Variants in CYFIP1 observed in about 807,000 individuals in gnomAD.
CYFIP1 encodes cytoplasmic FMR1 interacting protein 1.
CYFIP1 carries 58 observed loss-of-function variants against 163.5 expected under a neutral mutation model. That is an observed-to-expected ratio of 0.35 (90% confidence interval 0.29 to 0.44). The LOEUF (loss-of-function observed/expected upper bound fraction) is 0.44. CYFIP1 is among the 20% of genes least tolerant of loss of function. The pLI, the probability that CYFIP1 is intolerant of heterozygous loss-of-function variation, is 1.00. For missense variants in CYFIP1, 1,338 were observed against 1,653.8 expected (o/e 0.81, Z 3.31); for synonymous variants, 663 against 660.7 (o/e 1.00, Z -0.05).
intron 29 of CYFIP1, 68 bp downstream of exon 29, chr15:22,873,421 AAC>A: frequency 7.5e-7 from 1 of 1,331,920 alleles, no homozygotes; most frequent in Non-Finnish European, 1.1e-6. Context: ...TTGTTAGCCT[AAC>A]ACGCCTCCCC....
intron 22 of CYFIP1, among the ~76,000 whole-genome samples, chr15:22,899,975 T>C (rs2060343176): frequency 6.6e-6 from 1 of 152,034 alleles, no homozygotes; most frequent in Non-Finnish European, 1.5e-5. Flanking sequence ...TTGAACCTAC[T>C]GGAGGTTGCA....
chr15:22,948,930 A>T (rs2094060058), intron 1 of CYFIP1, among the ~76,000 whole-genome samples: 1 of 152,096 alleles, frequency 6.6e-6, no homozygotes, highest in African/African-American at 2.4e-5. Flanking sequence ...CTTCAGGACA[A>T]GAGAGAAGGT....
intron 26 of CYFIP1, among the ~76,000 whole-genome samples, chr15:22,879,285 C>T (rs534344770): frequency 6.6e-6 from 1 of 152,260 alleles, no homozygotes; most frequent in South Asian, 2.1e-4. Flanking sequence ...ATTCCATTTC[C>T]CACTGGCTTT....
chr15:22,881,874 G>A lies in CYFIP1; in HGVS notation c.2883C>T (p.Arg961=). The change falls in exon 25 of 31, where the codon CGC becomes CGT. Residue 961 remains arginine, a synonymous_variant. Coordinates refer to ENST00000617928, the MANE Select transcript of CYFIP1 (RefSeq NM_014608.6). ...TLMEVMPKIC[R]LPRHEYGSPG... is the part of the protein sequence containing the mutation. The stretch of plus-strand genomic sequence containing the variant: ...GAGAGCCGTACTCGTGCCGGGGCAG[G>A]CGGCAGATCTTGGGCATCACCTCCA... 6.2e-7 allele frequency: 1 copy of A among 1,612,090 alleles called. No individual in the cohort carries two copies. Among genetic ancestry groups the A allele is most frequent in the South Asian group, 1.1e-5 (1 of 91,086 alleles).
At chr15:22,960,137 G>A (rs1312911954) in intron 1 of CYFIP1, among the ~76,000 whole-genome samples, 1 of 152,188 alleles carries the variant, frequency 6.6e-6, no homozygotes, top group Non-Finnish European at 1.5e-5. Flanking sequence ...CGTGGGCAGA[G>A]TGTCTCCTGG....
chr15:22,962,400 TC>T (rs1255153500), intron 1 of CYFIP1, among the ~76,000 whole-genome samples: 13 of 133,914 alleles, frequency 9.7e-5, no homozygotes, highest in East Asian at 2.0e-4. Context: ...TTCTTTTTTT[TC>T]TTTTTTTTTT....
chr15:22,975,208 TCGTAGTTTTAACTTTTGGGAAGTCA>T (rs1302038702), intron 1 of CYFIP1, among the ~76,000 whole-genome samples: 2 of 152,148 alleles, frequency 1.3e-5, no homozygotes, highest in Non-Finnish European at 2.9e-5. Context: ...AGCAGGCTAT[TCGTAGTTTTAACTTTTGGGAAGTCA>T]CGTAGTTTTA....
At chr15:22,910,165 TC>T (rs1377896458) in intron 20 of CYFIP1, among the ~76,000 whole-genome samples, 4 of 151,336 alleles carry the variant, frequency 2.6e-5, no homozygotes, top group African/African-American at 7.4e-5. Flanking sequence ...ATTTTTTTTT[TC>T]TTTTTTTTGA....
At chr15:22,908,583 G>A (rs892972240) in intron 21 of CYFIP1, among the ~76,000 whole-genome samples, 3 of 132,346 alleles carry the variant, frequency 2.3e-5, no homozygotes, top group African/African-American at 8.7e-5. Context: ...AGGCTGGAGT[G>A]CAGTGGCGCG....
At chr15:22,911,490 T>C (rs1466436079) in intron 18 of CYFIP1, among the ~76,000 whole-genome samples, 1 of 152,082 alleles carries the variant, frequency 6.6e-6, no homozygotes, top group African/African-American at 2.4e-5. Context: ...AAGCGGCTGT[T>C]CTGGGTGTGA....
intron 3 of CYFIP1, among the ~76,000 whole-genome samples, chr15:22,945,307 C>G (rs2062021856): frequency 6.6e-6 from 1 of 152,190 alleles, no homozygotes; most frequent in African/African-American, 2.4e-5. Context: ...TGAGCACACA[C>G]AGGATCCCCA....
Position 22,910,508 on chromosome 15 carries a change from G to A in CYFIP1, c.2268+12C>T. ...CACTCTACGTCCCCACCACAGCCCG[G>A]CCCCAGCTCACCTGCACATGCCTCT... On this transcript the variant is annotated intron_variant, in intron 20 of 30. Coordinates refer to ENST00000617928, the MANE Select transcript of CYFIP1 (RefSeq NM_014608.6). The A allele has an allele frequency of 6.2e-7, 1 of 1,608,662 alleles. No individual in the cohort carries two copies. Among genetic ancestry groups the A allele is most frequent in the Non-Finnish European group, 8.5e-7 (1 of 1,175,132 alleles).
Position 22,912,200 on chromosome 15 carries a change from C to A in CYFIP1, c.2061G>T (p.Leu687=). The change falls in exon 18 of 31, where the codon CTG becomes CTT. Residue 687 remains leucine, a synonymous_variant. Coordinates refer to ENST00000617928, the MANE Select transcript of CYFIP1 (RefSeq NM_014608.6). The part of the protein sequence containing the change: ...YALTRFNKQF[L]YDEIEAEVNL... ...TCACCTCGGCCTCAATTTCGTCGTA[C>A]AGGAACTGCTTGTTGAACCTGGTGA... 6.2e-7 allele frequency: 1 copy of A among 1,613,680 alleles called. No individual in the cohort carries two copies. Among genetic ancestry groups the A allele is most frequent in the African/African-American group, 1.3e-5 (1 of 74,952 alleles).
intron 1 of CYFIP1, among the ~76,000 whole-genome samples, chr15:22,967,587 AC>A (rs1482004280): frequency 6.6e-6 from 1 of 151,856 alleles, no homozygotes; most frequent in Non-Finnish European, 1.5e-5. Flanking sequence ...ACAACATAGC[AC>A]CCCACCACAG....
In CYFIP1 at chr15:22,911,589, C is replaced by T. The variant is rs531209943; in HGVS notation, c.2082+590G>A. Among the ~76,000 whole-genome samples, 4 of 152,322 alleles carry T rather than the reference C, an allele frequency of 2.6e-5. No homozygotes were observed. In the East Asian group the frequency reaches 7.7e-4, roughly 29 times the overall value. ...AACTGTGAGGAGAATACCTGTGCTT[C>T]GTGGCAAGTGGGACCCAGGACCCAT... On this transcript the variant is annotated intron_variant, in intron 18 of 30. Transcript: ENST00000617928.
intron 21 of CYFIP1, among the ~76,000 whole-genome samples, chr15:22,908,112 T>G (rs940156600): frequency 6.6e-6 from 1 of 152,134 alleles, no homozygotes; most frequent in African/African-American, 2.4e-5. Context: ...CAAATTGTGA[T>G]AGAGACACAG....
chr15:22,871,975 A>G (rs2048819203), intron 30 of CYFIP1, among the ~76,000 whole-genome samples: 1 of 152,102 alleles, frequency 6.6e-6, no homozygotes, highest in African/African-American at 2.4e-5. Context: ...GCCTGTGGTG[A>G]TTTGTTGTCA....
At chr15:22,968,349 T>A (rs7164493) in intron 1 of CYFIP1, among the ~76,000 whole-genome samples, 32 of 152,048 alleles carry the variant, frequency 2.1e-4, no homozygotes, top group Non-Finnish European at 3.5e-4. Flanking sequence ...TTACCCTCCA[T>A]AATTTGGGTG....
rs1414859351 is a variant in CYFIP1 at position 22,909,245 on chromosome 15, G to A, written c.2337C>T (p.Ser779=). ...CAAATCGTCCAATCGCCAGTTCTAG[G>A]GACTTATACATGGCTGCTGAGACGC... ...TQRVSAAMYK[S]LELAIGRFES... The change falls in exon 21 of 31, where the codon TCC becomes TCT. Residue 779 remains serine, a synonymous_variant. Transcript: ENST00000617928. 7.4e-6 allele frequency: 12 copies of A among 1,614,038 alleles called. No homozygotes were observed. Among genetic ancestry groups the A allele is most frequent in the Non-Finnish European group, 1.0e-5 (12 of 1,180,040 alleles).
Sources: gnomAD v4.1 joint callset for allele counts (sites outside exome capture counted in the v4.1 genomes callset) on GRCh38, gnomAD v4.1.1 for gene constraint, MANE v1.5 for transcripts, NCBI Gene and HGNC (gene_info 2026-07-23, HGNC 2026-07-21) for gene names.